FRMD5: variants seen among roughly 807,000 people sequenced by gnomAD.
FRMD5 encodes the protein FERM domain-containing protein 5.
FRMD5 carries 20 observed loss-of-function variants against 69.0 expected under a neutral mutation model. The observed-to-expected ratio is 0.29, with a 90% CI of 0.20 to 0.42. FRMD5 has a LOEUF of 0.42. Among genes scored for constraint, FRMD5 ranks in the 10% least tolerant of loss-of-function variants. The pLI is 1.00. For missense variants in FRMD5, 595 were observed against 708.6 expected, an observed-to-expected ratio of 0.84 and a Z score of 1.82; for synonymous variants, 271 against 260.1, an observed-to-expected ratio of 1.04 and a Z score of -0.40.
chr15:44,037,623 A>C (rs2140303725), intron 1 of FRMD5, among the ~76,000 whole-genome samples: 1 of 150,268 alleles, frequency 6.7e-6, no homozygotes, highest in Non-Finnish European at 1.5e-5. Context: ...GCATGCCGCC[A>C]CACCCAGCTT....
At chr15:44,164,834 T>G (rs775137221) in intron 1 of FRMD5, among the ~76,000 whole-genome samples, 7 of 152,208 alleles carry the variant, frequency 4.6e-5, no homozygotes, top group Non-Finnish European at 7.3e-5. Flanking sequence ...CTAAGACAGC[T>G]GCACCACCAG....
intron 1 of FRMD5, among the ~76,000 whole-genome samples, chr15:44,140,211 GAAT>G (rs1247715216): frequency 1.3e-5 from 2 of 151,640 alleles, no homozygotes; most frequent in African/African-American, 4.8e-5. Context: ...TAATTTCTAA[GAAT>G]AATATACTAA....
intron 1 of FRMD5, among the ~76,000 whole-genome samples, chr15:44,075,170 G>A (rs541689277): frequency 1.3e-5 from 2 of 152,142 alleles, no homozygotes; most frequent in East Asian, 3.9e-4. Context: ...GGCCTTGGAG[G>A]GTTTCTAAAC....
At chr15:44,043,013 G>C (rs949455557) in intron 1 of FRMD5, among the ~76,000 whole-genome samples, 1 of 152,178 alleles carries the variant, frequency 6.6e-6, no homozygotes, top group African/African-American at 2.4e-5. Flanking sequence ...TGACATGATT[G>C]TATATTTAGA....
At chr15:44,146,894 AGACCTTTGT>A (rs756901272) in intron 1 of FRMD5, among the ~76,000 whole-genome samples, 18 of 152,126 alleles carry the variant, frequency 1.2e-4, no homozygotes, top group Non-Finnish European at 2.5e-4. Context: ...TCTGGATATT[AGACCTTTGT>A]CAGATTACAA....
chr15:43,884,042 T>C (rs2088601789), intron 12 of FRMD5, among the ~76,000 whole-genome samples: 1 of 152,136 alleles, frequency 6.6e-6, no homozygotes, highest in Non-Finnish European at 1.5e-5. Flanking sequence ...ACCTTTTTTT[T>C]AGTGTGGCAG....
At chr15:43,987,078 G>T (rs1173288858) in intron 1 of FRMD5, among the ~76,000 whole-genome samples, 1 of 151,930 alleles carries the variant, frequency 6.6e-6, no homozygotes, top group Non-Finnish European at 1.5e-5. Context: ...CCACTGACAG[G>T]GTATTCCTCC....
intron 1 of FRMD5, among the ~76,000 whole-genome samples, chr15:43,974,012 T>C (rs2090427602): frequency 1.3e-5 from 2 of 151,724 alleles, no homozygotes; most frequent in African/African-American, 4.8e-5. Context: ...ACATATCAAA[T>C]TAACTTTTTT....
intron 1 of FRMD5, among the ~76,000 whole-genome samples, chr15:44,188,190 A>C (rs899110702): frequency 2.0e-5 from 3 of 152,186 alleles, no homozygotes; most frequent in Non-Finnish European, 2.9e-5. Flanking sequence ...AGAGACAAAA[A>C]ATACTAACCA....
intron 1 of FRMD5, among the ~76,000 whole-genome samples, chr15:44,158,391 T>C (rs2615281): frequency 0.8 from 121,442 of 152,154 alleles, 51,946 homozygotes; most frequent in Non-Finnish European, 0.94. Flanking sequence ...ACTGATTTTC[T>C]ATCCAATAGC....
chr15:43,995,781 C>A (rs1301975843), intron 1 of FRMD5, among the ~76,000 whole-genome samples: 1 of 152,014 alleles, frequency 6.6e-6, no homozygotes, highest in Non-Finnish European at 1.5e-5. Flanking sequence ...GAGGTTAGGT[C>A]TGGAGGCTAG....
At chr15:44,086,628 G>A (rs1894207700) in intron 1 of FRMD5, among the ~76,000 whole-genome samples, 1 of 152,168 alleles carries the variant, frequency 6.6e-6, no homozygotes, top group South Asian at 2.1e-4. Flanking sequence ...ACTAGTGAGT[G>A]ATGAGGTTAC....
chr15:44,152,879 T>TAA (rs34543964), intron 1 of FRMD5, among the ~76,000 whole-genome samples: 173 of 149,398 alleles, frequency 1.2e-3, no homozygotes, highest in Non-Finnish European at 4.9e-4. Flanking sequence ...AAATATTTTC[T>TAA]AAAAAAAAAA....
chr15:44,061,853 T>C (rs1056418637), intron 1 of FRMD5, among the ~76,000 whole-genome samples: 4 of 152,202 alleles, frequency 2.6e-5, no homozygotes, highest in African/African-American at 9.6e-5. Flanking sequence ...CCCACCATTT[T>C]CTGATACCGG....
chr15:44,120,403 C>A (rs1264639135), intron 1 of FRMD5, among the ~76,000 whole-genome samples: 1 of 151,688 alleles, frequency 6.6e-6, no homozygotes, highest in Non-Finnish European at 1.5e-5. Context: ...ATAGAACCGA[C>A]AAAACATGAT....
At chr15:44,083,655 T>C (rs1894079951) in intron 1 of FRMD5, among the ~76,000 whole-genome samples, 1 of 152,062 alleles carries the variant, frequency 6.6e-6, no homozygotes, top group African/African-American at 2.4e-5. Flanking sequence ...CATTTGTTGT[T>C]TGTGTTAACC....
At chr15:43,884,932 T>C (rs2088627346) in intron 11 of FRMD5, 137 bp from the exon 12 acceptor site, 1 of 707,112 alleles carries the variant, frequency 1.4e-6, no homozygotes, top group Non-Finnish European at 2.4e-6. Flanking sequence ...GTTTTGGTCA[T>C]GGAGAAAGGC....
At chr15:44,109,312 A>G (rs2076764766) in intron 1 of FRMD5, among the ~76,000 whole-genome samples, 3 of 151,846 alleles carry the variant, frequency 2.0e-5, no homozygotes, top group African/African-American at 7.3e-5. Flanking sequence ...AAAATTTACC[A>G]TTTTTCTCCT....
intron 1 of FRMD5, among the ~76,000 whole-genome samples, chr15:44,122,090 A>G (rs2076960960): frequency 6.6e-6 from 1 of 152,158 alleles, no homozygotes; most frequent in South Asian, 2.1e-4. Flanking sequence ...GTGACATGTA[A>G]GTAGAAGCTT....
Sources: gnomAD v4.1 joint callset for allele counts (sites outside exome capture counted in the v4.1 genomes callset) on GRCh38, gnomAD v4.1.1 for gene constraint, MANE v1.5 for transcripts, NCBI Gene and HGNC (gene_info 2026-07-23, HGNC 2026-07-21) for gene names.